Variants in PRELID2 observed in about 807,000 individuals in gnomAD.
PRELID2 encodes the protein PRELI domain containing 2, also known as PRELI domain-containing protein 2.
A neutral mutation model predicts 28.4 loss-of-function variants in PRELID2; 25 were observed. The ratio of observed to expected loss-of-function variants is 0.88; its 90% confidence interval spans 0.64 to 1.23. The LOEUF (loss-of-function observed/expected upper bound fraction) is 1.23. Among genes scored for constraint, PRELID2 ranks in the 50% most tolerant of loss-of-function variants. The pLI is 0.00. For synonymous variants in PRELID2, 76 were observed against 71.6 expected (o/e 1.06, Z -0.31); for missense variants, 201 against 214.4 (o/e 0.94, Z 0.39).
chr5:145,683,848 G>C (rs1287115790), intron 1 of PRELID2, among the ~76,000 whole-genome samples: 1 of 152,142 alleles, frequency 6.6e-6, no homozygotes, highest in African/African-American at 2.4e-5. Context: ...AGTAGAACGA[G>C]CTGCTGATTG....
chr5:145,578,133 C>T (rs182307647), intron 1 of PRELID2, among the ~76,000 whole-genome samples: 202 of 152,240 alleles, frequency 1.3e-3, no homozygotes, highest in African/African-American at 4.6e-3. Context: ...CTTACTACCA[C>T]TAGAAACTTC....
the PRELID2 span, among the ~76,000 whole-genome samples, chr5:145,367,412 A>C: frequency 6.6e-6 from 1 of 151,866 alleles, no homozygotes; most frequent in African/African-American, 2.4e-5. Flanking sequence ...CATTCCCCAC[A>C]ACAGCTATTC....
chr5:145,528,724 CACAGAGAGAGAG>C (rs1184438848), intron 1 of PRELID2, among the ~76,000 whole-genome samples: 1,324 of 56,648 alleles, frequency 0.023, 18 homozygotes, highest in African/African-American at 0.07. Flanking sequence ...CACACACACA[CACAGAGAGAGAG>C]AGAGAGAGAG....
the PRELID2 span, among the ~76,000 whole-genome samples, chr5:145,463,514 T>C: frequency 0.23 from 34,348 of 152,048 alleles, 4,155 homozygotes; most frequent in South Asian, 0.35. Flanking sequence ...TTAATTTGCA[T>C]TGAGCAAGTA....
chr5:145,233,495 C>T, the PRELID2 span, among the ~76,000 whole-genome samples: 2 of 152,238 alleles, frequency 1.3e-5, no homozygotes, highest in Non-Finnish European at 2.9e-5. Context: ...AGAAGGCAGT[C>T]ACCACAACCC....
intron 1 of PRELID2, among the ~76,000 whole-genome samples, chr5:145,507,970 A>G (rs567097125): frequency 3.9e-4 from 60 of 152,182 alleles, no homozygotes; most frequent in Admixed American, 1.5e-3. Context: ...CCCTAATGTT[A>G]GTTCTCCTAG....
chr5:145,677,159 T>G (rs1054667997), intron 1 of PRELID2, among the ~76,000 whole-genome samples: 10 of 147,216 alleles, frequency 6.8e-5, no homozygotes, highest in African/African-American at 1.7e-4. Context: ...TTGGTTTTTT[T>G]TTTTTTTTTT....
chr5:145,649,928 T>A (rs1399156888), intron 1 of PRELID2, among the ~76,000 whole-genome samples: 4 of 152,222 alleles, frequency 2.6e-5, no homozygotes, highest in African/African-American at 4.8e-5. Context: ...TTCTTGTTGT[T>A]TGGGTCAAAT....
At chr5:145,286,759 T>C in the PRELID2 span, among the ~76,000 whole-genome samples, 1 of 148,632 alleles carries the variant, frequency 6.7e-6, no homozygotes, top group African/African-American at 2.5e-5. Flanking sequence ...TCTCACTCTG[T>C]AGCCCAGGCT....
chr5:145,430,256 A>G, the PRELID2 span, among the ~76,000 whole-genome samples: 1 of 152,202 alleles, frequency 6.6e-6, no homozygotes, highest in Admixed American at 6.5e-5. Flanking sequence ...TTCCTCTGAC[A>G]CCCTACAGCA....
At chr5:145,783,469 G>A (rs543323662) in intron 5 of PRELID2, among the ~76,000 whole-genome samples, 23 of 152,204 alleles carry the variant, frequency 1.5e-4, no homozygotes, top group Non-Finnish European at 3.2e-4. Flanking sequence ...AGATGTGTAA[G>A]AATACAGCAG....
chr5:145,251,499 G>A, the PRELID2 span, among the ~76,000 whole-genome samples: 3 of 151,974 alleles, frequency 2.0e-5, no homozygotes, highest in Non-Finnish European at 4.4e-5. Flanking sequence ...TAATTTGCAG[G>A]CACTACAAAT....
At chr5:145,468,999 A>G (rs540615524), downstream of PRELID2, among the ~76,000 whole-genome samples, 1 of 152,046 alleles carries the variant, frequency 6.6e-6, no homozygotes, top group East Asian at 1.9e-4. Flanking sequence ...TTTATTTTTA[A>G]GTTAATTTAT....
Position 145,521,374 on chromosome 5 carries a change from G to A in PRELID2, n.71-48059C>T, listed in dbSNP as rs139088140. 3.7e-4 allele frequency among the ~76,000 whole-genome samples: 56 copies of A among 152,216 alleles called. No homozygotes were observed. The East Asian group carries it at 9.7e-3, about 26-fold the overall frequency. Reference sequence around the variant, plus strand: ...GGGCAGCATGCTCAAATTCCTGCAGGGGCCTGTTAATGCTTGAATGAAGCT... The same window carrying A: ...GGGCAGCATGCTCAAATTCCTGCAGAGGCCTGTTAATGCTTGAATGAAGCT... On this transcript the variant is annotated intron_variant and non_coding_transcript_variant, in intron 1 of 2. Coordinates refer to the PRELID2 transcript ENST00000510259.
chr5:145,776,938 A>C (rs767269150), intron 5 of PRELID2, among the ~76,000 whole-genome samples: 21 of 152,194 alleles, frequency 1.4e-4, no homozygotes, highest in Non-Finnish European at 3.1e-4. Flanking sequence ...CCTTTCAATA[A>C]AAAAATTAAG....
At chr5:145,363,181 GA>G in the PRELID2 span, among the ~76,000 whole-genome samples, 3 of 150,086 alleles carry the variant, frequency 2.0e-5, no homozygotes, top group Non-Finnish European at 3.0e-5. Context: ...ACCCTAGTGA[GA>G]AAGAATAGCG....
chr5:145,651,137 C>T (rs530434469), intron 1 of PRELID2, among the ~76,000 whole-genome samples: 14 of 152,254 alleles, frequency 9.2e-5, no homozygotes, highest in South Asian at 2.1e-4. Context: ...GAGGGTCCCA[C>T]GCCCACGGAG....
intron 1 of PRELID2, among the ~76,000 whole-genome samples, chr5:145,669,044 C>T (rs1019744141): frequency 2.0e-5 from 3 of 152,236 alleles, no homozygotes; most frequent in East Asian, 1.9e-4. Flanking sequence ...CACACATCCC[C>T]GTGCTCCCCA....
At chr5:145,344,379 T>C in the PRELID2 span, among the ~76,000 whole-genome samples, 1 of 152,048 alleles carries the variant, frequency 6.6e-6, no homozygotes, top group Non-Finnish European at 1.5e-5. Context: ...ATACATCTCA[T>C]CAACAGAATG....
Sources: allele counts gnomAD v4.1 joint callset (sites outside exome capture counted in the v4.1 genomes callset), GRCh38; gene constraint gnomAD v4.1.1; transcripts MANE v1.5; gene names NCBI Gene and HGNC (gene_info 2026-07-23, HGNC 2026-07-21).